PPEF1: variants seen among roughly 807,000 people sequenced by gnomAD.
PPEF1 encodes the protein protein phosphatase with EF-hand domain 1, also known as serine/threonine-protein phosphatase with EF-hands 1.
Under a neutral mutation model 53.3 loss-of-function variants are expected in PPEF1, and 12 were observed. The ratio of observed to expected loss-of-function variants is 0.23; its 90% CI spans 0.14 to 0.36. PPEF1 has a LOEUF of 0.36. Among genes scored for constraint, PPEF1 ranks in the 10% least tolerant of loss-of-function variants. PPEF1 has a pLI of 1.00. For synonymous variants in PPEF1, 165 were observed against 176.7 expected (o/e 0.93, Z 0.52); for missense variants, 334 against 490.4 (o/e 0.68, Z 3.01).
chrX:18,807,594 T>C (rs1333382141), intron 12 of PPEF1, among the ~76,000 whole-genome samples: 1 of 111,948 alleles, frequency 8.9e-6, no homozygotes, highest in East Asian at 2.8e-4. Context: ...ATACATAATA[T>C]AAGATAGGCT....
chrX:18,699,349 A>T (rs10521683), intron 5 of PPEF1, among the ~76,000 whole-genome samples: 41,176 of 110,401 alleles, frequency 0.37, 6,213 homozygotes, highest in Non-Finnish European at 0.49. Context: ...TGCAGAAAGG[A>T]ATCGAGCTAA....
At position 18,744,438 on chromosome X, in the gene PPEF1, T is replaced by C. The variant is rs140462748; in HGVS notation, c.236-5354T>C. On this transcript the variant is annotated intron_variant, in intron 3 of 15. Transcript: ENST00000470157. Reference sequence around the variant, plus strand: ...CTCAAAACCAGTGCATAGGACTCCATGGGGTGTAGAGACTCCACAGAAACA... The same window carrying C: ...CTCAAAACCAGTGCATAGGACTCCACGGGGTGTAGAGACTCCACAGAAACA... 5.3e-3 allele frequency among the ~76,000 whole-genome samples: 593 copies of C among 111,610 alleles called. 6 individuals are homozygous for C. Among genetic ancestry groups the C allele is most frequent in the African/African-American group, 0.019 (578 of 30,689 alleles).
intron 1 of PPEF1, among the ~76,000 whole-genome samples, chrX:18,717,610 T>G (rs1464648774): frequency 9.0e-6 from 1 of 111,247 alleles, no homozygotes; most frequent in East Asian, 2.8e-4. Context: ...GCATTTTCAG[T>G]GCTGATTTTG....
intron 9 of PPEF1, among the ~76,000 whole-genome samples, chrX:18,785,311 A>G (rs73191552): frequency 0.024 from 2,683 of 111,707 alleles, 34 homozygotes; most frequent in Middle Eastern, 0.056. Flanking sequence ...TTTGTTTACT[A>G]TCTTCCTCTG....
intron 12 of PPEF1, among the ~76,000 whole-genome samples, chrX:18,815,325 G>T (rs2046883478): frequency 1.8e-5 from 2 of 111,012 alleles, no homozygotes; most frequent in African/African-American, 6.6e-5. Flanking sequence ...ATCTTTATCT[G>T]GTTTTTGTAT....
Position 18,737,976 on chromosome X carries a change from G to A in PPEF1, c.235+4168G>A, listed in dbSNP as rs192978059. Reference sequence around the variant, plus strand: ...CTTTTTTTTTGTTTTCCATTTGCTTGGTAGATCTTCCTTCATCCCTTTATT... The same window carrying A: ...CTTTTTTTTTGTTTTCCATTTGCTTAGTAGATCTTCCTTCATCCCTTTATT... On this transcript the variant is annotated intron_variant, in intron 3 of 15. Transcript: ENST00000470157. 6.1e-3 allele frequency among the ~76,000 whole-genome samples: 671 copies of A among 110,042 alleles called. 8 individuals are homozygous for A. Among genetic ancestry groups the A allele is most frequent in the African/African-American group, 0.018 (557 of 30,189 alleles).
At chrX:18,705,732 T>G (rs2147276988), upstream of PPEF1, among the ~76,000 whole-genome samples, 1 of 110,169 alleles carries the variant, frequency 9.1e-6, no homozygotes, top group South Asian at 3.9e-4. Flanking sequence ...AAATAAAAAT[T>G]TGGAAGTAAC....
chrX:18,761,620 G>A, intron 6 of PPEF1, 44 bp downstream of exon 6: 1 of 1,026,554 alleles, frequency 9.7e-7, no homozygotes, highest in Non-Finnish European at 1.4e-6. Flanking sequence ...TCTTGGGGGA[G>A]GGCAGTCTTA....
chrX:18,756,953 T>C (rs1371969553), intron 4 of PPEF1, among the ~76,000 whole-genome samples: 1 of 111,511 alleles, frequency 9.0e-6, no homozygotes, highest in Admixed American at 9.5e-5. Flanking sequence ...CTCACACCTA[T>C]AATCCCAACA....
At chrX:18,795,734 A>G (rs886422482) in intron 10 of PPEF1, among the ~76,000 whole-genome samples, 2 of 112,067 alleles carry the variant, frequency 1.8e-5, no homozygotes, top group Non-Finnish European at 3.8e-5. Context: ...GCATTATCTC[A>G]TTAAATCCTT....
intron 1 of PPEF1, among the ~76,000 whole-genome samples, chrX:18,720,705 CA>C (rs1162060453): frequency 1.8e-5 from 2 of 111,884 alleles, no homozygotes; most frequent in Non-Finnish European, 3.8e-5. Context: ...TTGGTAGTAC[CA>C]TTTTTTAGCC....
upstream of PPEF1, among the ~76,000 whole-genome samples, chrX:18,706,652 G>A (rs778559212): frequency 1.4e-3 from 151 of 109,353 alleles, no homozygotes; most frequent in Non-Finnish European, 2.6e-3. Flanking sequence ...AGGCTGAGGC[G>A]GGAGGATCAC....
chrX:18,678,205 C>T (rs1350341124), upstream of PPEF1, among the ~76,000 whole-genome samples: 2 of 104,977 alleles, frequency 1.9e-5, no homozygotes, highest in Non-Finnish European at 3.9e-5. Context: ...CTGAGGCGGG[C>T]GGATTGCTTG....
At chrX:18,724,777 G>C (rs745548253) in intron 1 of PPEF1, among the ~76,000 whole-genome samples, 2 of 110,910 alleles carry the variant, frequency 1.8e-5, no homozygotes, top group African/African-American at 3.3e-5. Flanking sequence ...TGGGCAGGGT[G>C]GGGGGTTATG....
intron 10 of PPEF1, among the ~76,000 whole-genome samples, chrX:18,796,623 C>G (rs1332064514): frequency 3.6e-5 from 4 of 111,473 alleles, no homozygotes; most frequent in Admixed American, 1.9e-4. Context: ...GATTTGGGAC[C>G]CTTATACCTT....
At chrX:18,705,936 A>G (rs2044184402), upstream of PPEF1, among the ~76,000 whole-genome samples, 1 of 111,052 alleles carries the variant, frequency 9.0e-6, no homozygotes, top group Non-Finnish European at 1.9e-5. Context: ...ATGGAAAGAT[A>G]GATATGTCAG....
Position 18,707,699 on chromosome X carries a change from C to T in PPEF1, c.-82C>T. The T allele has an allele frequency of 3.3e-6, 3 of 907,943 alleles. No homozygotes were observed. Among genetic ancestry groups the T allele is most frequent in the Non-Finnish European group, 1.6e-6 (1 of 625,047 alleles). The allele number at this position is 907,943 out of a possible 1,213,427, so 74.8% of individuals were successfully genotyped here. A position where few individuals can be genotyped will look rare whatever the true frequency, so the allele number is the denominator to read the frequency against. On this transcript the variant is annotated 5_prime_UTR_variant, in exon 1 of 16. Coordinates refer to ENST00000470157, the MANE Select transcript of PPEF1 (RefSeq NM_001377996.1). The stretch of plus-strand genomic sequence containing the variant: ...AGGATCGGCTAAGAGTGGTTCCTCG[C>T]AGCTTAAAGGGAGGCACTTTTCACA...
chrX:18,756,265 C>T (rs1019480219), intron 4 of PPEF1, among the ~76,000 whole-genome samples: 1 of 110,324 alleles, frequency 9.1e-6, no homozygotes, highest in African/African-American at 3.3e-5. Context: ...CTGCAACCTC[C>T]GCCTCCCGGG....
At chrX:18,815,940 GC>G (rs1193741942) in intron 12 of PPEF1, among the ~76,000 whole-genome samples, 1 of 99,951 alleles carries the variant, frequency 1.0e-5, no homozygotes, top group African/African-American at 3.6e-5. Flanking sequence ...TGCTCTTGTT[GC>G]CCAGGCTGGA....
Sources: allele counts gnomAD v4.1 joint callset (sites outside exome capture counted in the v4.1 genomes callset), GRCh38; gene constraint gnomAD v4.1.1; transcripts MANE v1.5; gene names NCBI Gene and HGNC (gene_info 2026-07-23, HGNC 2026-07-21).